Variants in PDCD6IP observed in about 807,000 individuals in gnomAD.
The protein encoded by PDCD6IP is programmed cell death 6 interacting protein.
A neutral mutation model predicts 103.7 loss-of-function variants in PDCD6IP; 43 were observed. The ratio of observed to expected loss-of-function variants is 0.41; its 90% confidence interval spans 0.32 to 0.53. PDCD6IP has a LOEUF of 0.53. PDCD6IP is among the 20% of genes least tolerant of loss of function. The probability of loss-of-function intolerance (pLI) is 0.16; values close to 1 mark genes in which losing one functional copy is unlikely to be tolerated. For synonymous variants in PDCD6IP, 354 were observed against 378.7 expected, an observed-to-expected ratio of 0.93 and a Z score of 0.76; for missense variants, 871 against 1,036.7, an observed-to-expected ratio of 0.84 and a Z score of 2.20.
chr3:33,857,925 T>C (rs1328306467), intron 15 of PDCD6IP, among the ~76,000 whole-genome samples: 1 of 152,158 alleles, frequency 6.6e-6, no homozygotes, highest in Non-Finnish European at 1.5e-5. Flanking sequence ...TTTTAAATAC[T>C]ATACTGCAGT....
rs1190303262 is a variant in PDCD6IP at position 33,813,559 on chromosome 3, A to C, written c.265A>C (p.Ile89Leu). ...EPKFPFSENQICLTFTWKDAF... is the reference protein window; with the variant it reads ...EPKFPFSENQLCLTFTWKDAF... ...TTCTGTTTTCTTTCATTCTATCCAGATCTGCTTGACATTTACCTGGAAGGA... is the reference window on the plus strand; with the variant it reads ...TTCTGTTTTCTTTCATTCTATCCAGCTCTGCTTGACATTTACCTGGAAGGA... Residue 89 changes from isoleucine to leucine, a missense_variant and splice_region_variant, in exon 3 of 18, where the codon ATC (isoleucine) becomes CTC (leucine). Physicochemically the swap from Ile to Leu is conservative, Grantham distance 5 (BLOSUM62 2). Coordinates refer to ENST00000307296, the MANE Select transcript of PDCD6IP (RefSeq NM_013374.6). 1 of 1,595,948 alleles carries C rather than the reference A, an allele frequency of 6.3e-7. No individual in the cohort carries two copies. Among genetic ancestry groups the C allele is most frequent in the African/African-American group, 1.3e-5 (1 of 74,508 alleles).
At chr3:33,833,678 T>G (rs1370309355) in intron 7 of PDCD6IP, among the ~76,000 whole-genome samples, 1 of 152,238 alleles carries the variant, frequency 6.6e-6, no homozygotes, top group African/African-American at 2.4e-5. Context: ...TTTAGCATGC[T>G]GTTTTCATCT....
intron 1 of PDCD6IP, among the ~76,000 whole-genome samples, chr3:33,810,515 A>G (rs1696692723): frequency 6.6e-6 from 1 of 152,236 alleles, no homozygotes. Context: ...GCAAAAGATT[A>G]TCTGGGCAGT....
intron 3 of PDCD6IP, among the ~76,000 whole-genome samples, chr3:33,818,227 C>T (rs190867614): frequency 1.3e-5 from 2 of 150,158 alleles, no homozygotes; most frequent in African/African-American, 4.9e-5. Flanking sequence ...CGTGCCACAG[C>T]CTCCTGAGTA....
At chr3:33,843,877 C>CT (rs553570346) in intron 10 of PDCD6IP, among the ~76,000 whole-genome samples, 47,793 of 140,734 alleles carry the variant, frequency 0.34, 8,306 homozygotes, top group African/African-American at 0.44. Context: ...TTTATTCCTC[C>CT]TTTTTTTTTT....
chr3:33,834,129 T>C (rs1039587063), intron 7 of PDCD6IP, among the ~76,000 whole-genome samples: 3 of 152,184 alleles, frequency 2.0e-5, no homozygotes, highest in Admixed American at 6.5e-5. Context: ...CCTGTCTTTT[T>C]AGTTAATCTG....
At chr3:33,864,262 A>G in intron 16 of PDCD6IP, 133 bp downstream of exon 16, 1 of 620,102 alleles carries the variant, frequency 1.6e-6, no homozygotes, top group Non-Finnish European at 2.9e-6. Context: ...ACCTTCTGAT[A>G]TTTTGCAATA....
intron 1 of PDCD6IP, among the ~76,000 whole-genome samples, chr3:33,801,535 A>G (rs966337947): frequency 1.3e-5 from 2 of 152,312 alleles, no homozygotes; most frequent in South Asian, 4.1e-4. Flanking sequence ...GTGTGGTAGC[A>G]TGCACTCATA....
chr3:33,847,529 G>A (rs534978370), intron 12 of PDCD6IP, among the ~76,000 whole-genome samples: 10 of 152,090 alleles, frequency 6.6e-5, no homozygotes, highest in African/African-American at 1.7e-4. Flanking sequence ...AGTTGATGAC[G>A]GATTTTAGCC....
At chr3:33,855,431 G>A (rs912491488) in intron 15 of PDCD6IP, 171 bp downstream of exon 15, 10 of 440,912 alleles carry the variant, frequency 2.3e-5, no homozygotes, top group Non-Finnish European at 3.7e-5. Flanking sequence ...TGCATAATCT[G>A]GGAATGAAAG....
chr3:33,855,408 A>G (rs1559796350), intron 15 of PDCD6IP, 148 bp downstream of exon 15: 6 of 501,262 alleles, frequency 1.2e-5, no homozygotes, highest in African/African-American at 2.0e-5. Flanking sequence ...TTACAAAGCA[A>G]CAAGTAAACA....
At chr3:33,858,136 TAAAC>T (rs968227838) in intron 15 of PDCD6IP, among the ~76,000 whole-genome samples, 1 of 152,128 alleles carries the variant, frequency 6.6e-6, no homozygotes, top group African/African-American at 2.4e-5. Flanking sequence ...TTCATGTAAA[TAAAC>T]CTATAGAGGA....
chr3:33,852,453 TTTTG>T, intron 12 of PDCD6IP, 31 bp from the exon 13 acceptor site: 11 of 1,332,486 alleles, frequency 8.3e-6, no homozygotes, highest in East Asian at 6.4e-5. Flanking sequence ...TTTTTTTTTT[TTTTG>T]CAGTTAAACT....
chr3:33,831,186 G>A (rs749767032), intron 7 of PDCD6IP, among the ~76,000 whole-genome samples: 9 of 151,912 alleles, frequency 5.9e-5, no homozygotes, highest in Non-Finnish European at 4.4e-5. Flanking sequence ...GGTCATCTTG[G>A]TGGATCTTCA....
rs61751641 is a variant in PDCD6IP at position 33,866,423 on chromosome 3, A to G, written c.2505A>G (p.Pro835=). 8.5e-3 allele frequency: 13,721 copies of G among 1,611,524 alleles called. 794 individuals carry two copies. In the African/African-American group the frequency reaches 0.14, roughly 17 times the overall value. ...AYGQYNMPYP[P]VYHQSPGQAP... is the part of the protein sequence containing the mutation. ...GCCAGTATAATATGCCATATCCACCAGTGTATCACCAGAGTCCTGGACAGG... is the reference window on the plus strand; with the variant it reads ...GCCAGTATAATATGCCATATCCACCGGTGTATCACCAGAGTCCTGGACAGG... The change falls in exon 18 of 18, where the codon CCA becomes CCG. Residue 835 remains proline, a synonymous_variant. Transcript: ENST00000307296.
chr3:33,837,165 C>G (rs1461089987), intron 8 of PDCD6IP, among the ~76,000 whole-genome samples: 1 of 152,190 alleles, frequency 6.6e-6, no homozygotes, highest in Non-Finnish European at 1.5e-5. Context: ...GGTGATCCAC[C>G]TGCCTCAGCC....
At chr3:33,861,438 G>T (rs190829283) in intron 15 of PDCD6IP, among the ~76,000 whole-genome samples, 39 of 152,276 alleles carry the variant, frequency 2.6e-4, no homozygotes, top group African/African-American at 9.1e-4. Context: ...ACCGAGCCCG[G>T]CTTAATATGT....
At chr3:33,799,775 T>C (rs1490063510) in intron 1 of PDCD6IP, among the ~76,000 whole-genome samples, 1 of 152,188 alleles carries the variant, frequency 6.6e-6, no homozygotes, top group Non-Finnish European at 1.5e-5. Flanking sequence ...GAATCACAAT[T>C]GTATTCCAAT....
intron 15 of PDCD6IP, among the ~76,000 whole-genome samples, chr3:33,859,082 G>T (rs551864634): frequency 6.6e-6 from 1 of 152,282 alleles, no homozygotes; most frequent in African/African-American, 2.4e-5. Context: ...ACTGGTACAT[G>T]ATTAGACAAA....
Sources: allele counts gnomAD v4.1 joint callset (sites outside exome capture counted in the v4.1 genomes callset), GRCh38; gene constraint gnomAD v4.1.1; transcripts MANE v1.5; gene names NCBI Gene and HGNC (gene_info 2026-07-23, HGNC 2026-07-21).